PPP3CA: variants seen among roughly 807,000 people sequenced by gnomAD.
PPP3CA encodes the protein protein phosphatase 3 catalytic subunit alpha.
A neutral mutation model predicts 66.5 loss-of-function variants in PPP3CA; 14 were observed. The ratio of observed to expected loss-of-function variants is 0.21; its 90% CI spans 0.14 to 0.33. The LOEUF (loss-of-function observed/expected upper bound fraction) is 0.33. Ranked by LOEUF, PPP3CA falls within the 10% of genes least tolerant of loss-of-function variation. The pLI is 1.00. For synonymous variants in PPP3CA, 232 were observed against 226.2 expected (o/e 1.03, Z -0.23); for missense variants, 317 against 639.5 (o/e 0.50, Z 5.44).
intron 10 of PPP3CA, among the ~76,000 whole-genome samples, chr4:101,049,721 G>A (rs951842149): frequency 6.6e-6 from 1 of 151,946 alleles, no homozygotes; most frequent in Non-Finnish European, 1.5e-5. Context: ...ACATTTACAT[G>A]TTATCTCTGC....
intron 1 of PPP3CA, among the ~76,000 whole-genome samples, chr4:101,237,684 G>C (rs898076782): frequency 1.3e-5 from 2 of 151,896 alleles, no homozygotes; most frequent in East Asian, 3.9e-4. Flanking sequence ...CTTCTTGAAC[G>C]AACAGAGCAT....
chr4:101,199,385 G>A (rs566464292), intron 1 of PPP3CA, among the ~76,000 whole-genome samples: 6 of 152,296 alleles, frequency 3.9e-5, no homozygotes, highest in Middle Eastern at 3.4e-3. Context: ...AGCAGGCCAG[G>A]ACTAGAGAAA....
intron 1 of PPP3CA, among the ~76,000 whole-genome samples, chr4:101,265,517 G>A (rs976008300): frequency 3.9e-5 from 6 of 152,120 alleles, no homozygotes; most frequent in Non-Finnish European, 7.4e-5. Flanking sequence ...GCATAAAGAA[G>A]ACCAAACCAC....
intron 1 of PPP3CA, among the ~76,000 whole-genome samples, chr4:101,320,078 C>T (rs1728993446): frequency 6.6e-6 from 1 of 152,040 alleles, no homozygotes; most frequent in Admixed American, 6.6e-5. Context: ...GGATCATCAA[C>T]TCTAAAAACA....
intron 2 of PPP3CA, among the ~76,000 whole-genome samples, chr4:101,151,414 G>A (rs144734787): frequency 0.044 from 6,690 of 151,756 alleles, 186 homozygotes; most frequent in Non-Finnish European, 0.065. Context: ...ACAAAAATTA[G>A]CTGAGCGTGG....
At chr4:101,055,580 T>C (rs1728190896) in intron 10 of PPP3CA, among the ~76,000 whole-genome samples, 2 of 152,120 alleles carry the variant, frequency 1.3e-5, no homozygotes, top group Non-Finnish European at 2.9e-5. Flanking sequence ...AAAACAGCAA[T>C]CTTTTTCCAG....
intron 2 of PPP3CA, among the ~76,000 whole-genome samples, chr4:101,162,168 A>AG (rs1320667784): frequency 6.6e-6 from 1 of 152,002 alleles, no homozygotes; most frequent in Non-Finnish European, 1.5e-5. Flanking sequence ...TGAACCTAGG[A>AG]GGGGGAGGTT....
intron 2 of PPP3CA, among the ~76,000 whole-genome samples, chr4:101,137,884 C>CAAAA (rs34286966): frequency 8.3e-6 from 1 of 121,096 alleles, no homozygotes; most frequent in Non-Finnish European, 1.9e-5. Flanking sequence ...TGTCAGTCCA[C>CAAAA]AAAAAAAAAA....
At chr4:101,251,946 T>C (rs908086933) in intron 1 of PPP3CA, among the ~76,000 whole-genome samples, 1 of 152,124 alleles carries the variant, frequency 6.6e-6, no homozygotes, top group Non-Finnish European at 1.5e-5. Flanking sequence ...TCCTCCTTCA[T>C]CAAAGTTTTA....
intron 2 of PPP3CA, among the ~76,000 whole-genome samples, chr4:101,146,721 G>A (rs1033160566): frequency 6.6e-6 from 1 of 152,138 alleles, no homozygotes; most frequent in Non-Finnish European, 1.5e-5. Flanking sequence ...GATTACAGGT[G>A]TGAGCCACCA....
chr4:101,258,434 A>C (rs1244278591), intron 1 of PPP3CA, among the ~76,000 whole-genome samples: 1 of 152,126 alleles, frequency 6.6e-6, no homozygotes, highest in Non-Finnish European at 1.5e-5. Context: ...TTGGACAAGA[A>C]GATAACCTAT....
rs187451348 is a variant in PPP3CA at position 101,246,744 on chromosome 4, T to C, written c.59-50628A>G. 1.1e-3 allele frequency among the ~76,000 whole-genome samples: 168 copies of C among 152,266 alleles called. 2 individuals carry two copies. The highest frequency in any genetic ancestry group is 0.011 in the Admixed American group (167 of 15,300). On this transcript the variant is annotated intron_variant, in intron 1 of 13. Coordinates refer to ENST00000394854, the MANE Select transcript of PPP3CA (RefSeq NM_000944.5). ...CTGTGTCTGTGTATATATGCATATA[T>C]ATGATATATATTCACATCTCCTTCT...
chr4:101,233,958 C>A (rs1726045542), intron 1 of PPP3CA, among the ~76,000 whole-genome samples: 1 of 151,684 alleles, frequency 6.6e-6, no homozygotes. Flanking sequence ...CATGTGTTTT[C>A]ATTATTTAGC....
chr4:101,195,135 G>T (rs1441408927), intron 2 of PPP3CA, among the ~76,000 whole-genome samples: 1 of 151,912 alleles, frequency 6.6e-6, no homozygotes, highest in Non-Finnish European at 1.5e-5. Context: ...AGCCAGGCAT[G>T]ATGGCACCTA....
intron 1 of PPP3CA, among the ~76,000 whole-genome samples, chr4:101,251,415 GAC>G (rs60893566): frequency 0.064 from 9,681 of 152,050 alleles, 955 homozygotes; most frequent in African/African-American, 0.21. Flanking sequence ...AAATATGACT[GAC>G]ACGCAGTATT....
chr4:101,264,137 C>T (rs112860559), intron 1 of PPP3CA, among the ~76,000 whole-genome samples: 1 of 152,176 alleles, frequency 6.6e-6, no homozygotes, highest in Non-Finnish European at 1.5e-5. Context: ...TATGTCTTCA[C>T]ATAAAGTTCT....
intron 3 of PPP3CA, among the ~76,000 whole-genome samples, chr4:101,108,505 C>G (rs1198986044): frequency 6.6e-6 from 1 of 152,204 alleles, no homozygotes; most frequent in Non-Finnish European, 1.5e-5. Flanking sequence ...GTGGCTCACG[C>G]CTGTAATCCC....
chr4:101,322,934 C>T (rs1396022062), intron 1 of PPP3CA, among the ~76,000 whole-genome samples: 1 of 152,022 alleles, frequency 6.6e-6, no homozygotes, highest in Non-Finnish European at 1.5e-5. Context: ...TTTACTGTTG[C>T]TGTTTTTTGC....
intron 2 of PPP3CA, among the ~76,000 whole-genome samples, chr4:101,158,537 C>T (rs1002781784): frequency 1.3e-5 from 2 of 152,148 alleles, no homozygotes; most frequent in African/African-American, 2.4e-5. Context: ...CTTTGGGCCT[C>T]GGTATCATAT....
Sources: allele counts gnomAD v4.1 joint callset (sites outside exome capture counted in the v4.1 genomes callset), GRCh38; gene constraint gnomAD v4.1.1; transcripts MANE v1.5; gene names NCBI Gene and HGNC (gene_info 2026-07-23, HGNC 2026-07-21).